CACNA2D3: variants seen among roughly 807,000 people sequenced by gnomAD.
CACNA2D3 encodes the protein calcium voltage-gated channel auxiliary subunit alpha2delta 3, also known as voltage-dependent calcium channel subunit alpha-2/delta-3.
Under a neutral mutation model 160.6 loss-of-function variants are expected in CACNA2D3, and 60 were observed. The observed-to-expected ratio is 0.37, with a 90% CI of 0.30 to 0.46. The LOEUF (loss-of-function observed/expected upper bound fraction) is 0.46. Ranked by LOEUF, CACNA2D3 falls within the 20% of genes least tolerant of loss-of-function variation. The pLI is 1.00. For missense variants in CACNA2D3, 1,205 were observed against 1,365.0 expected, an observed-to-expected ratio of 0.88 and a Z score of 1.85; for synonymous variants, 558 against 492.9, an observed-to-expected ratio of 1.13 and a Z score of -1.75.
intron 11 of CACNA2D3, among the ~76,000 whole-genome samples, chr3:54,727,294 C>T (rs1296644497): frequency 1.3e-5 from 2 of 152,172 alleles, no homozygotes; most frequent in East Asian, 1.9e-4. Flanking sequence ...TAGGAACGCT[C>T]TTACACTGTT....
At chr3:54,467,222 A>C (rs1315394569) in intron 4 of CACNA2D3, among the ~76,000 whole-genome samples, 1 of 152,188 alleles carries the variant, frequency 6.6e-6, no homozygotes, top group Non-Finnish European at 1.5e-5. Flanking sequence ...GAGTCTAACC[A>C]ACTGGGACTG....
At chr3:54,259,191 C>T (rs1163490101) in intron 2 of CACNA2D3, among the ~76,000 whole-genome samples, 3 of 152,212 alleles carry the variant, frequency 2.0e-5, no homozygotes, top group Non-Finnish European at 2.9e-5. Flanking sequence ...CCTTCCCTGA[C>T]TTCCCTCCAG....
At chr3:54,832,847 G>A (rs1175394007) in intron 14 of CACNA2D3, among the ~76,000 whole-genome samples, 2 of 152,124 alleles carry the variant, frequency 1.3e-5, no homozygotes, top group Non-Finnish European at 2.9e-5. Context: ...GCTGATGCTC[G>A]AGGAGTGTTT....
chr3:54,647,266 A>G (rs968571265), intron 11 of CACNA2D3, among the ~76,000 whole-genome samples: 1 of 152,246 alleles, frequency 6.6e-6, no homozygotes, highest in Non-Finnish European at 1.5e-5. Flanking sequence ...ATTTATGATC[A>G]TTTGTTATGT....
intron 11 of CACNA2D3, among the ~76,000 whole-genome samples, chr3:54,713,857 T>C (rs1024485341): frequency 2.0e-5 from 3 of 152,242 alleles, no homozygotes; most frequent in African/African-American, 7.2e-5. Flanking sequence ...TTAGCCTGAA[T>C]GTTTATTCCA....
chr3:54,961,862 C>T (rs1702036366), intron 27 of CACNA2D3, among the ~76,000 whole-genome samples: 1 of 152,112 alleles, frequency 6.6e-6, no homozygotes, highest in African/African-American at 2.4e-5. Context: ...AAGGAATTCA[C>T]TTCTTAAAGC....
rs550383036 is a variant in CACNA2D3, at chr3:54,261,342, C to T, written c.205-59100C>T. 2.6e-5 allele frequency among the ~76,000 whole-genome samples: 4 copies of T among 152,184 alleles called. No individual in the cohort carries two copies. In the East Asian group the frequency reaches 7.7e-4, roughly 29 times the overall value. The stretch of plus-strand genomic sequence containing the variant: ...GTTTTATTTTTTGGCACCCAGATTC[C>T]TTCTTGGCGCTTGTTACCATGGGGA... On this transcript the variant is annotated intron_variant, in intron 2 of 37. Coordinates refer to ENST00000474759, the MANE Select transcript of CACNA2D3 (RefSeq NM_018398.3).
At chr3:54,739,796 G>GTGTGTGTGTGTGT (rs1260011068) in intron 11 of CACNA2D3, among the ~76,000 whole-genome samples, 2 of 124,724 alleles carry the variant, frequency 1.6e-5, no homozygotes, top group African/African-American at 7.0e-5. Context: ...TGTGTGTGTG[G>GTGTGTGTGTGTGT]AATTATATAT....
intron 9 of CACNA2D3, among the ~76,000 whole-genome samples, chr3:54,619,717 C>G: frequency 6.6e-6 from 1 of 152,180 alleles, no homozygotes; most frequent in East Asian, 1.9e-4. Context: ...CTGCTTCCCA[C>G]GGGAATTAAA....
At chr3:54,821,098 C>G (rs146497418) in intron 14 of CACNA2D3, among the ~76,000 whole-genome samples, 81 of 152,262 alleles carry the variant, frequency 5.3e-4, no homozygotes, top group African/African-American at 1.8e-3. Flanking sequence ...TCTGCTGCAT[C>G]CACACAACTT....
At chr3:54,682,832 A>G (rs1700380501) in intron 11 of CACNA2D3, among the ~76,000 whole-genome samples, 1 of 152,118 alleles carries the variant, frequency 6.6e-6, no homozygotes, top group African/African-American at 2.4e-5. Context: ...TGGAGAGATC[A>G]AGTGGAGACT....
chr3:54,992,374 T>C (rs1220033764), intron 31 of CACNA2D3, among the ~76,000 whole-genome samples: 3 of 152,132 alleles, frequency 2.0e-5, no homozygotes, highest in Non-Finnish European at 4.4e-5. Flanking sequence ...TAAAGGTACA[T>C]ACATGCCTAC....
intron 2 of CACNA2D3, among the ~76,000 whole-genome samples, chr3:54,276,143 C>T (rs1003762616): frequency 6.6e-6 from 1 of 152,168 alleles, no homozygotes; most frequent in African/African-American, 2.4e-5. Flanking sequence ...CCCCTGAGCC[C>T]TCTACTCTTC....
intron 27 of CACNA2D3, among the ~76,000 whole-genome samples, chr3:54,936,163 C>CAAA (rs539489771): frequency 2.7e-4 from 34 of 127,994 alleles, no homozygotes; most frequent in African/African-American, 9.0e-4. Context: ...AGAATCATAG[C>CAAA]AAAAAAAAAA....
chr3:54,184,966 C>T (rs1700855588), intron 2 of CACNA2D3, among the ~76,000 whole-genome samples: 1 of 152,198 alleles, frequency 6.6e-6, no homozygotes, highest in Non-Finnish European at 1.5e-5. Flanking sequence ...CGGGAGGATT[C>T]ATTTGGCGTT....
chr3:54,892,468 A>G (rs886464525), intron 25 of CACNA2D3, among the ~76,000 whole-genome samples: 2 of 152,176 alleles, frequency 1.3e-5, no homozygotes, highest in African/African-American at 4.8e-5. Context: ...AGTCTGGTAA[A>G]TGACAGATCA....
chr3:54,561,121 C>T (rs547262826), intron 5 of CACNA2D3, among the ~76,000 whole-genome samples: 24 of 152,216 alleles, frequency 1.6e-4, no homozygotes, highest in Admixed American at 3.3e-4. Flanking sequence ...AGAATCTCAA[C>T]GGTAATTTAT....
intron 4 of CACNA2D3, among the ~76,000 whole-genome samples, chr3:54,483,364 G>C (rs1700964215): frequency 6.6e-6 from 1 of 152,118 alleles, no homozygotes; most frequent in Admixed American, 6.5e-5. Context: ...GTGTTTCTTA[G>C]CCTTTACGGG....
At chr3:54,772,942 C>T (rs746948391) in intron 13 of CACNA2D3, among the ~76,000 whole-genome samples, 50 of 152,186 alleles carry the variant, frequency 3.3e-4, no homozygotes, top group Non-Finnish European at 6.5e-4. Flanking sequence ...GGAGTTTACA[C>T]AGACCACAGT....
Sources: allele counts gnomAD v4.1 joint callset (sites outside exome capture counted in the v4.1 genomes callset), GRCh38; gene constraint gnomAD v4.1.1; transcripts MANE v1.5; gene names NCBI Gene and HGNC (gene_info 2026-07-23, HGNC 2026-07-21).